CHD3: variants seen among roughly 807,000 people sequenced by gnomAD.
CHD3 encodes the protein ATP-dependent chromatin remodeler CHD3.
CHD3 carries 52 observed loss-of-function variants against 248.9 expected under a neutral mutation model. The observed-to-expected ratio is 0.21, with a 90% confidence interval of 0.17 to 0.26. The LOEUF (loss-of-function observed/expected upper bound fraction) is 0.26. Among genes scored for constraint, CHD3 ranks in the 10% least tolerant of loss-of-function variants. The probability of loss-of-function intolerance (pLI) is 1.00; values close to 1 mark genes in which losing one functional copy is unlikely to be tolerated. For synonymous variants in CHD3, 985 were observed against 985.2 expected (o/e 1.00, Z 0.00); for missense variants, 1,482 against 2,605.8 (o/e 0.57, Z 9.39).
In CHD3 at chr17:7,904,982, C is replaced by T. The variant is rs781136749; in HGVS notation, c.4073-118C>T. 10 of 947,266 alleles carry T rather than the reference C, an allele frequency of 1.1e-5. No homozygotes were observed. Among genetic ancestry groups the T allele is most frequent in the Non-Finnish European group, 1.5e-5 (9 of 586,518 alleles). The allele number at this position is 947,266 out of a possible 1,614,324, so 58.7% of individuals were successfully genotyped here. ...CAGTGATCTGGTGTTCCCAGAAGGACCAAGGCCAGAATAAAGGTAGACAAG... is the reference window on the plus strand; with the variant it reads ...CAGTGATCTGGTGTTCCCAGAAGGATCAAGGCCAGAATAAAGGTAGACAAG... On this transcript the variant is annotated intron_variant, in intron 25 of 39. Coordinates refer to ENST00000330494, the MANE Select transcript of CHD3 (RefSeq NM_001005273.3). The surrounding 1 kb of genome is among the most constrained non-coding windows in gnomAD (Gnocchi z 4.4).
Position 7,908,615 on chromosome 17 carries a change from A to G in CHD3, c.5262-82A>G. 1 of 1,591,198 alleles carries G rather than the reference A, an allele frequency of 6.3e-7. No homozygotes were observed. The highest frequency in any genetic ancestry group is 1.1e-5 in the South Asian group (1 of 90,188). On this transcript the variant is annotated intron_variant, in intron 35 of 39. Coordinates refer to ENST00000330494, the MANE Select transcript of CHD3 (RefSeq NM_001005273.3). The surrounding 1 kb of genome is among the most constrained non-coding windows in gnomAD (Gnocchi z 5.8). ...ACAGGGCTAGTGCCACACTTTGGGG[A>G]GTCAAGCCAAAAGGAAGAAGTGTTC...
intron 7 of CHD3, 21 bp downstream of exon 7, chr17:7,894,286 G>A: frequency 6.2e-7 from 1 of 1,609,242 alleles, no homozygotes; most frequent in East Asian, 2.2e-5. Context: ...TTGACTGTGT[G>A]TGATCCTGTC....
At position 7,910,520 on chromosome 17, in the gene CHD3, C is replaced by A; in HGVS notation, c.5683C>A (p.Arg1895Ser). ...GTCCCGAATACCCCCCATCGCAGCC[C>A]GCCTTCAGATGTCCGAGCGCAGCAT... Reference protein sequence around the residue: ...TLSRIPPIAARLQMSERSILS... With the variant: ...TLSRIPPIAASLQMSERSILS... Residue 1895 changes from arginine to serine, a missense_variant, in exon 38 of 40, where the codon CGC (arginine) becomes AGC (serine). Transcript: ENST00000330494. The surrounding 1 kb of genome is among the most constrained non-coding windows in gnomAD (Gnocchi z 4.7). The A allele has an allele frequency of 6.2e-7, 1 of 1,613,886 alleles. No homozygotes were observed. The highest frequency in any genetic ancestry group is 8.5e-7 in the Non-Finnish European group (1 of 1,180,040).
Position 7,891,302 on chromosome 17 carries a change from G to A in CHD3, c.509+238G>A, listed in dbSNP as rs535106253. Reference sequence around the variant, plus strand: ...AGGGGCCATCATGATTCCAGTGCTGGGTTAGAGAACTCTTTAGCAACAGAA... The same window carrying A: ...AGGGGCCATCATGATTCCAGTGCTGAGTTAGAGAACTCTTTAGCAACAGAA... On this transcript the variant is annotated intron_variant, in intron 4 of 39. Coordinates refer to ENST00000330494, the MANE Select transcript of CHD3 (RefSeq NM_001005273.3). Among the ~76,000 whole-genome samples the A allele has an allele frequency of 8.5e-5, 13 of 152,286 alleles. No individual in the cohort carries two copies. In the South Asian group the frequency reaches 2.1e-3, roughly 24 times the overall value.
At position 7,910,195 on chromosome 17, in the gene CHD3, G is replaced by T; in HGVS notation, c.5591-233G>T. On this transcript the variant is annotated intron_variant, in intron 37 of 39. Transcript: ENST00000330494. The surrounding 1 kb of genome is among the most constrained non-coding windows in gnomAD (Gnocchi z 4.7). The stretch of plus-strand genomic sequence containing the variant: ...TCTTTCTCTCCATCTGTCTTCTGTG[G>T]TAATCTGGTCTCTCTGTCTCTTTTC... 1 of 582,540 alleles carries T rather than the reference G, an allele frequency of 1.7e-6. No homozygotes were observed. The highest frequency in any genetic ancestry group is 3.0e-6 in the Non-Finnish European group (1 of 329,064). 36.1% of individuals were successfully genotyped at this position (582,540 alleles called of 1,614,324 possible).
In CHD3 at chr17:7,900,914, A is replaced by G; in HGVS notation, c.3041A>G (p.Asn1014Ser). 1 of 1,614,144 alleles carries G rather than the reference A, an allele frequency of 6.2e-7. No homozygotes were observed. Among genetic ancestry groups the G allele is most frequent in the Non-Finnish European group, 8.5e-7 (1 of 1,180,004 alleles). ...GCCTTGAATTCACGAGGTGGTGGGA[A>G]CCAGGTGTCGCTGCTTAATATCATG... ...FEALNSRGGG[N>S]QVSLLNIMMD... The change falls in exon 19 of 40, where the codon AAC (asparagine) becomes AGC (serine). Residue 1014 changes from asparagine to serine, a missense_variant. Transcript: ENST00000330494. This position sits in a 1 kb window ranked among gnomAD's most constrained non-coding sequence, Gnocchi z 6.5.
In CHD3 at chr17:7,899,596, T is replaced by C. The variant is rs1467450440; in HGVS notation, c.2544+53T>C. 8.3e-6 allele frequency: 13 copies of C among 1,562,338 alleles called. No homozygotes were observed. In the Admixed American group the frequency reaches 1.2e-4, roughly 14 times the overall value. On this transcript the variant is annotated intron_variant, in intron 15 of 39. Transcript: ENST00000330494. This position sits in a 1 kb window ranked among gnomAD's most constrained non-coding sequence, Gnocchi z 6.8. ...AGACCCTCAAAGCTGTCACTTCTTT[T>C]TCTCAGCCAGGAATTCAGTTTCTCT... is the stretch of plus-strand genomic sequence containing the variant.
Position 7,899,840 on chromosome 17 carries a change from G to A in CHD3, c.2545-56G>A. 5 of 1,592,718 alleles carry A rather than the reference G, an allele frequency of 3.1e-6. No homozygotes were observed. Among genetic ancestry groups the A allele is most frequent in the South Asian group, 1.1e-5 (1 of 89,106 alleles). The stretch of plus-strand genomic sequence containing the variant: ...TCAGGACAAGGTGTCTGGTTCTGGA[G>A]GTGTAGGTGCATGGTTGTCAGGTGG... On this transcript the variant is annotated intron_variant, in intron 15 of 39. Transcript: ENST00000330494. The surrounding 1 kb of genome is among the most constrained non-coding windows in gnomAD (Gnocchi z 6.8).
In CHD3 at chr17:7,889,775, G is replaced by A. The variant is rs766019097; in HGVS notation, c.212G>A (p.Arg71His). ...KPGKPRKRKK[R>H]DSEEEFGSER... is the part of the protein sequence containing the mutation. ...GGAAAACCCCGAAAACGCAAGAAGC[G>A]TGTAAGTGTCAAGAATTCCTAACTC... Residue 71 changes from arginine to histidine, a missense_variant and splice_region_variant, in exon 2 of 40, where the codon CGT (arginine) becomes CAT (histidine). Arg to His is a conservative substitution (Grantham distance 29). Transcript: ENST00000330494. This position sits in a 1 kb window ranked among gnomAD's most constrained non-coding sequence, Gnocchi z 4.5. 4.6e-5 allele frequency: 74 copies of A among 1,608,166 alleles called. No individual in the cohort carries two copies. Among genetic ancestry groups the A allele is most frequent in the Non-Finnish European group, 5.9e-5 (69 of 1,176,542 alleles).
At chr17:7,893,718 A>G in intron 5 of CHD3, 87 bp from the exon 6 acceptor site, 2 of 1,550,094 alleles carry the variant, frequency 1.3e-6, no homozygotes, top group African/African-American at 1.4e-5. Context: ...CAGCCCACAG[A>G]GGAATCCAGA....
Position 7,895,430 on chromosome 17 carries a change from G to A in CHD3, c.1595G>A (p.Gly532Glu). The change falls in exon 10 of 40, where the codon GGA (glycine) becomes GAA (glutamate). Residue 532 changes from glycine (G) to glutamate (E), a missense_variant. Physicochemically the swap from Gly to Glu is moderately conservative, Grantham distance 98. Transcript: ENST00000330494. This position sits in a 1 kb window ranked among gnomAD's most constrained non-coding sequence, Gnocchi z 4.9. ...GTGCCAGCCCCTCAACAGGCAGATGGAAATCCAGATGTCCCACCCCCCCGT... is the reference window on the plus strand; with the variant it reads ...GTGCCAGCCCCTCAACAGGCAGATGAAAATCCAGATGTCCCACCCCCCCGT... The part of the protein sequence containing the change: ...VAVPAPQQAD[G>E]NPDVPPPRPL... 1 of 1,614,118 alleles carries A rather than the reference G, an allele frequency of 6.2e-7. No individual in the cohort carries two copies. Among genetic ancestry groups the A allele is most frequent in the Non-Finnish European group, 8.5e-7 (1 of 1,180,016 alleles).
Position 7,909,916 on chromosome 17 carries a change from C to A in CHD3, c.5591-512C>A. The A allele has an allele frequency of 4.9e-6, 1 of 206,108 alleles. No homozygotes were observed. The highest frequency in any genetic ancestry group is 9.9e-6 in the Non-Finnish European group (1 of 101,260). The allele number at this position is 206,108 out of a possible 1,614,324, so 12.8% of individuals were successfully genotyped here. On this transcript the variant is annotated intron_variant, in intron 37 of 39. Transcript: ENST00000330494. This position sits in a 1 kb window ranked among gnomAD's most constrained non-coding sequence, Gnocchi z 8.1. ...GCCTGGTGTAGTCACTGACTCCTGG[C>A]CCCTTTGATCCCTGTTCTAATTCCT...
rs757648980 is a variant in CHD3 at position 7,910,893 on chromosome 17, C to A, written c.5801C>A (p.Ala1934Asp). ...GCTACACCTCCGGGGTACGGGGCGGCCTTCAGCGCCGCACCCGTAGGGGCC... is the reference window on the plus strand; with the variant it reads ...GCTACACCTCCGGGGTACGGGGCGGACTTCAGCGCCGCACCCGTAGGGGCC... The part of the protein sequence containing the change: ...PYATPPGYGA[A>D]FSAAPVGALA... The change falls in exon 39 of 40, where the codon GCC becomes GAC. Residue 1934 changes from alanine (A) to aspartate (D), a missense_variant. Ala to Asp is a moderately radical substitution (Grantham distance 126, BLOSUM62 -2). Around this residue, in one of 20 missense-constraint regions of CHD3, gnomAD observed 117 missense variants for 137.2 expected, o/e 0.85. Coordinates refer to ENST00000330494, the MANE Select transcript of CHD3 (RefSeq NM_001005273.3). The surrounding 1 kb of genome is among the most constrained non-coding windows in gnomAD (Gnocchi z 4.7). The A allele has an allele frequency of 5.0e-6, 8 of 1,613,114 alleles. No individual in the cohort carries two copies. Among genetic ancestry groups the A allele is most frequent in the African/African-American group, 1.3e-5 (1 of 74,910 alleles).
intron 10 of CHD3, among the ~76,000 whole-genome samples, chr17:7,896,845 G>C (rs1245472213): frequency 4.6e-5 from 7 of 152,176 alleles, no homozygotes; most frequent in Admixed American, 4.6e-4. Flanking sequence ...TTTTAGTAGA[G>C]ACGGGGTTTC....
intron 20 of CHD3, among the ~76,000 whole-genome samples, chr17:7,902,108 A>C (rs1212453752): frequency 6.6e-6 from 1 of 152,130 alleles, no homozygotes; most frequent in African/African-American, 2.4e-5. Context: ...CTTAGGAGAA[A>C]CAATCTTAAA....
chr17:7,902,886 G>A, intron 21 of CHD3, 51 bp from the exon 22 acceptor site: 2 of 1,604,742 alleles, frequency 1.2e-6, no homozygotes, highest in Admixed American at 1.7e-5. Flanking sequence ...AGGAGCAGGT[G>A]GACAGAACTA....
At chr17:7,886,634 G>GA (rs1288474878), upstream of CHD3, among the ~76,000 whole-genome samples, 3 of 152,136 alleles carry the variant, frequency 2.0e-5, no homozygotes, top group African/African-American at 7.2e-5. The surrounding 1 kb of genome is among the most constrained non-coding windows in gnomAD (Gnocchi z 4.2). Context: ...GTAAAGTTTT[G>GA]AAAAAGTTCT....
chr17:7,904,278 T>C lies in CHD3; in HGVS notation c.3895-164T>C, dbSNP rs1452277997. ...AGGAGAGCACATTGCAGGTAAGAGA[T>C]GGCATGGAACATGCGCAATGTCCAG... On this transcript the variant is annotated intron_variant, in intron 24 of 39. Coordinates refer to ENST00000330494, the MANE Select transcript of CHD3 (RefSeq NM_001005273.3). This position sits in a 1 kb window ranked among gnomAD's most constrained non-coding sequence, Gnocchi z 4.4. 5 of 657,874 alleles carry C rather than the reference T, an allele frequency of 7.6e-6. No individual in the cohort carries two copies. Among genetic ancestry groups the C allele is most frequent in the South Asian group, 3.9e-5 (2 of 51,522 alleles). The allele number at this position is 657,874 out of a possible 1,614,324, so 40.8% of individuals were successfully genotyped here.
rs1971380207 is a variant in CHD3 at position 7,909,424 on chromosome 17, C to CCG, written c.5590+87_5590+88insGC. ...CGCACCCCTCAAAATCTTCCCACCC[C>CCG]CTGACCCCTCTACCTGCTGAACCAT... On this transcript the variant is annotated intron_variant, in intron 37 of 39. Coordinates refer to ENST00000330494, the MANE Select transcript of CHD3 (RefSeq NM_001005273.3). This position sits in a 1 kb window ranked among gnomAD's most constrained non-coding sequence, Gnocchi z 8.1. 1 of 1,449,138 alleles carries CCG rather than the reference C, an allele frequency of 6.9e-7. No individual in the cohort carries two copies. Among genetic ancestry groups the CCG allele is most frequent in the East Asian group, 2.5e-5 (1 of 39,620 alleles). 89.8% of individuals were successfully genotyped at this position (1,449,138 alleles called of 1,614,324 possible). A position where few individuals can be genotyped will look rare whatever the true frequency, so the allele number is the denominator to read the frequency against.
Sources: allele counts gnomAD v4.1 joint callset (sites outside exome capture counted in the v4.1 genomes callset), GRCh38; gene constraint gnomAD v4.1.1; regional missense constraint gnomAD v4.1.1; non-coding constraint Gnocchi (gnomAD v3.1); transcripts MANE v1.5; gene names NCBI Gene and HGNC (gene_info 2026-07-23, HGNC 2026-07-21).